Variants in MCC observed in about 807,000 individuals in gnomAD.
MCC encodes the protein MCC regulator of Wnt signaling pathway, also known as colorectal mutant cancer protein.
Under a neutral mutation model 116.2 loss-of-function variants are expected in MCC, and 90 were observed. The observed-to-expected ratio is 0.77, with a 90% CI of 0.65 to 0.92. The LOEUF is 0.92. MCC is among the 40% of genes least tolerant of loss of function. The pLI is 0.00. For missense variants in MCC, 1,516 were observed against 1,312.2 expected (o/e 1.16, Z -2.40); for synonymous variants, 578 against 510.5 (o/e 1.13, Z -1.78).
intron 6 of MCC, among the ~76,000 whole-genome samples, chr5:113,121,793 C>T (rs1757751285): frequency 1.3e-5 from 2 of 152,060 alleles, no homozygotes; most frequent in Admixed American, 1.3e-4. Context: ...TTCCATCTCT[C>T]CCATACATGT....
intron 3 of MCC, among the ~76,000 whole-genome samples, chr5:113,256,394 T>C (rs1278032934): frequency 6.6e-6 from 1 of 152,222 alleles, no homozygotes. Flanking sequence ...TTATGTCTAC[T>C]GGGGCCAGCA....
intron 16 of MCC, among the ~76,000 whole-genome samples, chr5:113,047,061 C>T (rs549278309): frequency 6.6e-6 from 1 of 152,332 alleles, no homozygotes; most frequent in African/African-American, 2.4e-5. Flanking sequence ...CCCTCTTCAA[C>T]AGGCTACCTC....
At chr5:113,459,143 G>A (rs949585932) in intron 1 of MCC, among the ~76,000 whole-genome samples, 101 of 140,054 alleles carry the variant, frequency 7.2e-4, no homozygotes, top group African/African-American at 2.2e-3. Context: ...ATGTGTGTGT[G>A]TGTGTGTGTG....
chr5:113,364,168 T>G (rs1768620895), intron 2 of MCC, among the ~76,000 whole-genome samples: 1 of 145,838 alleles, frequency 6.9e-6, no homozygotes. Context: ...GAGGCAGAGA[T>G]TGCAGTGAGC....
At chr5:113,232,375 A>G (rs1406144275) in intron 3 of MCC, among the ~76,000 whole-genome samples, 2 of 152,164 alleles carry the variant, frequency 1.3e-5, no homozygotes, top group African/African-American at 2.4e-5. Context: ...TTTGGAATCA[A>G]TCTTCCAGAA....
At position 113,027,203 on chromosome 5, in the gene MCC, C is replaced by T. The variant is rs1750609194; in HGVS notation, c.*99G>A. On this transcript the variant is annotated 3_prime_UTR_variant, in exon 19 of 19. Coordinates refer to ENST00000408903, the MANE Select transcript of MCC (RefSeq NM_001085377.2). ...AGTGCCGACCTACCTGCCAGCCTTC[C>T]CTTTCCTCCTCCTCCCAACAAGTAC... 2 of 1,321,772 alleles carry T rather than the reference C, an allele frequency of 1.5e-6. No homozygotes were observed. Among genetic ancestry groups the T allele is most frequent in the African/African-American group, 1.5e-5 (1 of 67,892 alleles). The allele number at this position is 1,321,772 out of a possible 1,614,324, so 81.9% of individuals were successfully genotyped here.
At chr5:113,252,501 C>A (rs1162899863) in intron 3 of MCC, among the ~76,000 whole-genome samples, 1 of 152,170 alleles carries the variant, frequency 6.6e-6, no homozygotes, top group Non-Finnish European at 1.5e-5. Context: ...TCTGCCATCA[C>A]CCCCAGATGG....
chr5:113,434,599 T>A lies in MCC; in HGVS notation c.171-49387A>T. On this transcript the variant is annotated intron_variant, in intron 1 of 18. Transcript: ENST00000408903. The surrounding 1 kb of genome is among the most constrained non-coding windows in gnomAD (Gnocchi z 4.2). Reference sequence around the variant, plus strand: ...ACGATGTAGACCTTGCCATGTGATGTCTCAAAGATCTCGTAGGTCTTAATG... The same window carrying A: ...ACGATGTAGACCTTGCCATGTGATGACTCAAAGATCTCGTAGGTCTTAATG... 1 of 1,613,854 alleles carries A rather than the reference T, an allele frequency of 6.2e-7. No homozygotes were observed. Among genetic ancestry groups the A allele is most frequent in the Non-Finnish European group, 8.5e-7 (1 of 1,179,862 alleles).
intron 3 of MCC, among the ~76,000 whole-genome samples, chr5:113,200,083 G>A (rs749384323): frequency 2.6e-5 from 4 of 152,134 alleles, no homozygotes; most frequent in Non-Finnish European, 4.4e-5. Flanking sequence ...TGGATGAAGT[G>A]ACAAGGTAAG....
At chr5:113,155,533 T>C in intron 3 of MCC, among the ~76,000 whole-genome samples, 1 of 152,222 alleles carries the variant, frequency 6.6e-6, no homozygotes, top group East Asian at 1.9e-4. Context: ...GGGTGATTTT[T>C]TAAAGGACTA....
chr5:113,029,161 G>T, intron 17 of MCC, 105 bp from the exon 18 acceptor site: 1 of 1,152,144 alleles, frequency 8.7e-7, no homozygotes, highest in Non-Finnish European at 1.2e-6. Flanking sequence ...AGCTTGCAAA[G>T]CCTAAAGGCA....
intron 3 of MCC, among the ~76,000 whole-genome samples, chr5:113,309,424 C>A (rs544066138): frequency 5.3e-5 from 8 of 152,334 alleles, no homozygotes; most frequent in African/African-American, 1.9e-4. Flanking sequence ...CTGGCATCCC[C>A]ACAGCTTATC....
At chr5:113,129,727 T>C (rs13362473) in intron 5 of MCC, among the ~76,000 whole-genome samples, 21,319 of 152,246 alleles carry the variant, frequency 0.14, 2,059 homozygotes, top group African/African-American at 0.26. Context: ...AACAAACATT[T>C]GAAAGAAAGC....
At chr5:113,189,772 A>G (rs1354135432) in intron 3 of MCC, among the ~76,000 whole-genome samples, 2 of 152,250 alleles carry the variant, frequency 1.3e-5, no homozygotes, top group Non-Finnish European at 2.9e-5. Context: ...AAGGACATGG[A>G]TGGATACTAC....
At chr5:113,350,923 C>A (rs187875790) in intron 2 of MCC, among the ~76,000 whole-genome samples, 1 of 152,028 alleles carries the variant, frequency 6.6e-6, no homozygotes, top group East Asian at 1.9e-4. Flanking sequence ...AGCTAACAGG[C>A]CTATGAAAAG....
At chr5:113,046,710 A>AAAAAGAG in intron 16 of MCC, among the ~76,000 whole-genome samples, 12 of 102,406 alleles carry the variant, frequency 1.2e-4, no homozygotes, top group African/African-American at 4.4e-4. Context: ...AAAAAAAAAA[A>AAAAAGAG]AGAGAGAGAT....
chr5:113,215,793 T>C (rs1030101118), intron 3 of MCC, among the ~76,000 whole-genome samples: 7 of 152,224 alleles, frequency 4.6e-5, no homozygotes, highest in Non-Finnish European at 8.8e-5. Flanking sequence ...GGTATCCCAT[T>C]ACCTCTCCCT....
intron 8 of MCC, among the ~76,000 whole-genome samples, chr5:113,097,605 C>T (rs1020306160): frequency 4.6e-5 from 7 of 152,156 alleles, no homozygotes; most frequent in Non-Finnish European, 1.0e-4. Flanking sequence ...AGAAAAGCAA[C>T]ACCAAGGGGA....
intron 5 of MCC, among the ~76,000 whole-genome samples, chr5:113,123,274 G>A (rs1757842289): frequency 6.6e-6 from 1 of 152,210 alleles, no homozygotes; most frequent in African/African-American, 2.4e-5. Flanking sequence ...CTGGAGGTTG[G>A]AGATGGGGTT....
Sources: allele counts gnomAD v4.1 joint callset (sites outside exome capture counted in the v4.1 genomes callset), GRCh38; gene constraint gnomAD v4.1.1; non-coding constraint Gnocchi (gnomAD v3.1); transcripts MANE v1.5; gene names NCBI Gene and HGNC (gene_info 2026-07-23, HGNC 2026-07-21).